The following MRC2 variants were observed in gnomAD, a reference collection of about 807,000 sequenced individuals.
MRC2 encodes C-type mannose receptor 2.
MRC2 carries 84 observed loss-of-function variants against 206.2 expected under a neutral mutation model. The ratio of observed to expected loss-of-function variants is 0.41; its 90% confidence interval spans 0.34 to 0.49. The LOEUF is 0.49. Ranked by LOEUF, MRC2 falls within the 20% of genes least tolerant of loss-of-function variation. The probability of loss-of-function intolerance (pLI) is 0.31; values close to 1 mark genes in which losing one functional copy is unlikely to be tolerated. For synonymous variants in MRC2, 798 were observed against 800.0 expected (o/e 1.00, Z 0.04); for missense variants, 1,676 against 2,001.5 (o/e 0.84, Z 3.10).
intron 1 of MRC2, among the ~76,000 whole-genome samples, chr17:62,639,122 G>T (rs756710113): frequency 2.6e-5 from 4 of 152,120 alleles, no homozygotes; most frequent in African/African-American, 9.7e-5. Flanking sequence ...ATCACCTGAG[G>T]TCAGGAGTTT....
chr17:62,653,106 G>A (rs2088576996), intron 1 of MRC2, among the ~76,000 whole-genome samples: 1 of 152,164 alleles, frequency 6.6e-6, no homozygotes, highest in African/African-American at 2.4e-5. Context: ...GGAAAGGGCC[G>A]GGCGCTGCCC....
At chr17:62,631,078 GA>G (rs1242254984) in intron 1 of MRC2, among the ~76,000 whole-genome samples, 4 of 152,164 alleles carry the variant, frequency 2.6e-5, no homozygotes, top group Non-Finnish European at 5.9e-5. Context: ...TCGCACCAGA[GA>G]AATCCTGGCT....
Position 62,682,045 on chromosome 17 carries a change from A to G in MRC2, c.2803+108A>G. 4.2e-6 allele frequency: 5 copies of G among 1,180,238 alleles called. No individual in the cohort carries two copies. In the South Asian group the frequency reaches 6.0e-5, roughly 14 times the overall value. The allele number at this position is 1,180,238 out of a possible 1,614,324, so 73.1% of individuals were successfully genotyped here. A position where few individuals can be genotyped will look rare whatever the true frequency, so the allele number is the denominator to read the frequency against. On this transcript the variant is annotated intron_variant, in intron 19 of 29. Transcript: ENST00000303375. ...TGTTCTCATTCTCTTTGTTCCCACA[A>G]CCCAATAAAGGCTAGACTCAGCGAG...
chr17:62,671,556 G>A lies in MRC2; in HGVS notation c.1118-93G>A. 1 of 1,189,698 alleles carries A rather than the reference G, an allele frequency of 8.4e-7. No individual in the cohort carries two copies. The highest frequency in any genetic ancestry group is 1.2e-6 in the Non-Finnish European group (1 of 858,342). The allele number at this position is 1,189,698 out of a possible 1,614,324, so 73.7% of individuals were successfully genotyped here. ...GGGAGAGTTTGGAGAGGAGGTGACT[G>A]GGAGGCCTCGCCTGTGTTGACGTCA... On this transcript the variant is annotated intron_variant, in intron 6 of 29. Transcript: ENST00000303375. The surrounding 1 kb of genome is among the most constrained non-coding windows in gnomAD (Gnocchi z 4.5).
rs769117124 is a variant in MRC2 at position 62,677,512 on chromosome 17, G to C, written c.2052+26G>C. ...GTAGGGCAGCCTGTTGGCCGGGTAG[G>C]GGGCAGGGGGAGGACAGGAGCAAAG... On this transcript the variant is annotated intron_variant, in intron 12 of 29. Coordinates refer to ENST00000303375, the MANE Select transcript of MRC2 (RefSeq NM_006039.5). The C allele has an allele frequency of 5.1e-6, 8 of 1,566,568 alleles. No homozygotes were observed. The East Asian group carries it at 1.8e-4, about 36-fold the overall frequency.
At chr17:62,655,499 G>A (rs1008481334) in intron 1 of MRC2, among the ~76,000 whole-genome samples, 2 of 150,860 alleles carry the variant, frequency 1.3e-5, no homozygotes, top group East Asian at 1.9e-4. Flanking sequence ...CCGAGATCGC[G>A]CCACTGCACT....
At position 62,691,010 on chromosome 17, in the gene MRC2, C is replaced by T. The variant is rs1476507962; in HGVS notation, c.4074C>T (p.Gly1358=). Residue 1358 remains glycine (G), a synonymous_variant, in exon 28 of 30, where the codon GGC becomes GGT. Transcript: ENST00000303375. ...AVNYSNWGPP[G]LGPSMLSHNS... ...ACTACTCCAACTGGGGGCCCCCGGGCTTGGGCCCCAGCATGCTGAGCCACA... is the reference window on the plus strand; with the variant it reads ...ACTACTCCAACTGGGGGCCCCCGGGTTTGGGCCCCAGCATGCTGAGCCACA... 6.2e-7 allele frequency: 1 copy of T among 1,609,172 alleles called. No homozygotes were observed. Among genetic ancestry groups the T allele is most frequent in the South Asian group, 1.1e-5 (1 of 90,540 alleles).
intron 12 of MRC2, among the ~76,000 whole-genome samples, chr17:62,678,036 C>T (rs760692749): frequency 6.6e-6 from 1 of 152,110 alleles, no homozygotes; most frequent in African/African-American, 2.4e-5. Context: ...GGTGACAGAG[C>T]GAGACTCCGT....
At chr17:62,640,371 A>C (rs975863950) in intron 1 of MRC2, among the ~76,000 whole-genome samples, 8 of 152,126 alleles carry the variant, frequency 5.3e-5, no homozygotes, top group African/African-American at 1.9e-4. Context: ...CGTACCAGGC[A>C]TGGTATTTGG....
chr17:62,659,180 C>T (rs1259635805), intron 1 of MRC2, among the ~76,000 whole-genome samples: 1 of 152,074 alleles, frequency 6.6e-6, no homozygotes, highest in Non-Finnish European at 1.5e-5. Context: ...CATGAAGGCT[C>T]TTCCCTAATG....
intron 1 of MRC2, among the ~76,000 whole-genome samples, chr17:62,636,523 C>T (rs2088322099): frequency 7.3e-6 from 1 of 137,790 alleles, no homozygotes; most frequent in Non-Finnish European, 1.5e-5. Flanking sequence ...GGCTGGAGTG[C>T]AGCGGCGGGA....
chr17:62,631,300 G>T (rs1211356759), intron 1 of MRC2, among the ~76,000 whole-genome samples: 1 of 152,100 alleles, frequency 6.6e-6, no homozygotes, highest in Non-Finnish European at 1.5e-5. Flanking sequence ...TCCTGTGCTG[G>T]CAGTAGCTCT....
intron 1 of MRC2, among the ~76,000 whole-genome samples, chr17:62,643,376 A>C (rs2088434424): frequency 6.6e-6 from 1 of 152,010 alleles, no homozygotes; most frequent in Non-Finnish European, 1.5e-5. Flanking sequence ...GAAAATACCA[A>C]AATAAAAGAC....
chr17:62,662,694 G>A (rs989675702), intron 1 of MRC2, among the ~76,000 whole-genome samples: 1 of 152,088 alleles, frequency 6.6e-6, no homozygotes, highest in Admixed American at 6.5e-5. Context: ...CGGATCACCC[G>A]AGGTTGGGAG....
intron 1 of MRC2, among the ~76,000 whole-genome samples, chr17:62,650,103 C>T (rs370448279): frequency 2.0e-5 from 3 of 152,098 alleles, no homozygotes; most frequent in African/African-American, 7.3e-5. Flanking sequence ...CCATGTTGGC[C>T]AGGCTGGCCT....
chr17:62,666,230 C>A lies in MRC2; in HGVS notation c.657C>A (p.Tyr219Ter). The A allele has an allele frequency of 6.3e-7, 1 of 1,598,784 alleles. No individual in the cohort carries two copies. The highest frequency in any genetic ancestry group is 8.5e-7 in the Non-Finnish European group (1 of 1,173,202). The change falls in exon 3 of 30, where the codon TAC becomes TAA. Residue 219 changes from tyrosine (Y) to a stop codon, truncating the protein, a stop_gained. Transcript: ENST00000303375. LOFTEE classifies it high-confidence loss of function. This position sits in a 1 kb window ranked among gnomAD's most constrained non-coding sequence, Gnocchi z 5.0. ...GHLWCATTQDYGKDERWGFCP... is the reference protein window; with the variant it reads ...GHLWCATTQD ...TGTGGTGTGCCACCACCCAGGACTA[C>A]GGCAAAGACGAGCGCTGGGGCTTCT...
At position 62,680,888 on chromosome 17, in the gene MRC2, G is replaced by C. The variant is rs150592174; in HGVS notation, c.2562G>C (p.Thr854=). Residue 854 remains threonine (T), a synonymous_variant, in exon 17 of 30, where the codon ACG becomes ACC. Coordinates refer to ENST00000303375, the MANE Select transcript of MRC2 (RefSeq NM_006039.5). This position sits in a 1 kb window ranked among gnomAD's most constrained non-coding sequence, Gnocchi z 4.8. ...STWAQAQRIC[T]WFQAELTSVH... is the part of the protein sequence containing the mutation. ...GGGCGCAGGCGCAGCGCATCTGCAC[G>C]TGGTTCCAGGCCGAGCTGACCTCGG... 1.2e-6 allele frequency: 2 copies of C among 1,613,056 alleles called. No homozygotes were observed. The highest frequency in any genetic ancestry group is 1.1e-5 in the South Asian group (1 of 91,082).
intron 20 of MRC2, among the ~76,000 whole-genome samples, chr17:62,687,045 AC>A (rs2089040594): frequency 6.6e-6 from 1 of 152,178 alleles, no homozygotes; most frequent in Non-Finnish European, 1.5e-5. Context: ...GCTTTGTATT[AC>A]CACTTTACAG....
intron 1 of MRC2, among the ~76,000 whole-genome samples, chr17:62,651,154 G>A (rs2088551506): frequency 6.6e-6 from 1 of 151,684 alleles, no homozygotes; most frequent in South Asian, 2.1e-4. Context: ...TGCGATCTCG[G>A]CTCACTGCAA....
Sources: gnomAD v4.1 joint callset for allele counts (sites outside exome capture counted in the v4.1 genomes callset) on GRCh38, gnomAD v4.1.1 for gene constraint, Gnocchi (gnomAD v3.1) non-coding constraint, MANE v1.5 for transcripts, NCBI Gene and HGNC (gene_info 2026-07-23, HGNC 2026-07-21) for gene names.